The following ZBTB10 variants were observed in gnomAD, a reference collection of about 807,000 sequenced individuals.
ZBTB10 encodes the protein zinc finger and BTB domain-containing protein 10.
A neutral mutation model predicts 76.4 loss-of-function variants in ZBTB10; 32 were observed. The ratio of observed to expected loss-of-function variants is 0.42; its 90% CI spans 0.32 to 0.56. The LOEUF is 0.56. Ranked by LOEUF, ZBTB10 falls within the 20% of genes least tolerant of loss-of-function variation. The pLI is 0.14. For missense variants in ZBTB10, 1,057 were observed against 1,098.5 expected, an observed-to-expected ratio of 0.96 and a Z score of 0.53; for synonymous variants, 523 against 432.9, an observed-to-expected ratio of 1.21 and a Z score of -2.58.
In ZBTB10 at chr8:80,518,540, T is replaced by G; in HGVS notation, c.2098T>G (p.Leu700Val). 2.6e-6 allele frequency: 4 copies of G among 1,553,126 alleles called. No individual in the cohort carries two copies. Among genetic ancestry groups the G allele is most frequent in the Non-Finnish European group, 2.6e-6 (3 of 1,147,924 alleles). ...GASNDFKYGL[L>V]PESWPKQETW... ...TTCAAATGATTTCAAGTATGGATTATTGCCAGAATCTTGGCCAAAACAAGA... is the reference window on the plus strand; with the variant it reads ...TTCAAATGATTTCAAGTATGGATTAGTGCCAGAATCTTGGCCAAAACAAGA... Residue 700 changes from leucine (L) to valine (V), a missense_variant, in exon 4 of 6, where the codon TTG (leucine) becomes GTG (valine). Physicochemically the swap from Leu to Val is conservative, Grantham distance 32. Transcript: ENST00000455036.
intron 2 of ZBTB10, among the ~76,000 whole-genome samples, chr8:80,506,560 C>G (rs1013411827): frequency 8.6e-6 from 1 of 116,534 alleles, no homozygotes; most frequent in Non-Finnish European, 1.7e-5. Flanking sequence ...CTCAGGTGAT[C>G]CACCCCCCCC....
chr8:80,508,278 T>C (rs1816109136), intron 2 of ZBTB10, among the ~76,000 whole-genome samples: 1 of 152,238 alleles, frequency 6.6e-6, no homozygotes, highest in Non-Finnish European at 1.5e-5. Context: ...TAGAACTGAA[T>C]TTTTGGTTTC....
intron 2 of ZBTB10, among the ~76,000 whole-genome samples, chr8:80,513,484 T>G (rs1349657721): frequency 6.6e-6 from 1 of 152,222 alleles, no homozygotes; most frequent in Non-Finnish European, 1.5e-5. Flanking sequence ...TGAACCAATG[T>G]GGATGCACCA....
In ZBTB10 at chr8:80,486,724, G is replaced by A; in HGVS notation, c.-87G>A. The A allele has an allele frequency of 4.0e-6, 4 of 1,004,878 alleles. No individual in the cohort carries two copies. Among genetic ancestry groups the A allele is most frequent in the Non-Finnish European group, 4.7e-6 (4 of 843,554 alleles). The allele number at this position is 1,004,878 out of a possible 1,614,324, so 62.2% of individuals were successfully genotyped here. On this transcript the variant is annotated 5_prime_UTR_variant, in exon 1 of 6. Transcript: ENST00000455036. ...GAACGCCGGGGGCGGGGGCGAGACAGAGGGGGAGCCGCGGGGAGCGCGCGG... is the reference window on the plus strand; with the variant it reads ...GAACGCCGGGGGCGGGGGCGAGACAAAGGGGGAGCCGCGGGGAGCGCGCGG...
At position 80,513,908 on chromosome 8, in the gene ZBTB10, A is replaced by G. The variant is rs756938863; in HGVS notation, c.1862-2A>G. ...ATAAATTTTTCTATGTTTCCTTTTC[A>G]GATTTAGATGGTGCTCTACTCTCGG... On this transcript the variant is annotated splice_acceptor_variant, in intron 2 of 5. Transcript: ENST00000455036. LOFTEE classifies it high-confidence loss of function. The G allele has an allele frequency of 2.5e-6, 4 of 1,612,810 alleles. No individual in the cohort carries two copies. The highest frequency in any genetic ancestry group is 3.4e-6 in the Non-Finnish European group (4 of 1,179,248).
chr8:80,518,629 A>G, intron 4 of ZBTB10, 50 bp downstream of exon 4: 1 of 1,512,948 alleles, frequency 6.6e-7, no homozygotes, highest in Non-Finnish European at 8.8e-7. Flanking sequence ...ATAATTGTTA[A>G]CAATTAAAAG....
In ZBTB10 at chr8:80,510,641, T is replaced by TGTGG. The variant is rs144657712; in HGVS notation, c.1862-3266_1862-3265insGGTG. ...AATAGCCGTCATTTTGTGAAACCAG[T>TGTGG]GTGTGTGTGTGTGTGTGTGTGTGTG... is the stretch of plus-strand genomic sequence containing the variant. On this transcript the variant is annotated intron_variant, in intron 2 of 5. Coordinates refer to ENST00000455036, the MANE Select transcript of ZBTB10 (RefSeq NM_001105539.3). Among the ~76,000 whole-genome samples the TGTGG allele has an allele frequency of 8.9e-3, 534 of 60,086 alleles. 6 individuals are homozygous for TGTGG. Among genetic ancestry groups the TGTGG allele is most frequent in the African/African-American group, 0.023 (480 of 20,434 alleles). The allele number at this position is 60,086 out of a possible 152,430, so 39.4% of individuals were successfully genotyped here. A position where few individuals can be genotyped will look rare whatever the true frequency, so the allele number is the denominator to read the frequency against.
chr8:80,493,985 CT>C (rs1200694080), intron 1 of ZBTB10, among the ~76,000 whole-genome samples: 3 of 152,186 alleles, frequency 2.0e-5, no homozygotes, highest in Non-Finnish European at 4.4e-5. Flanking sequence ...ACCTTCTTGT[CT>C]TTTTCTCTAC....
At chr8:80,498,484 T>C (rs1449418040) in intron 1 of ZBTB10, among the ~76,000 whole-genome samples, 1 of 152,242 alleles carries the variant, frequency 6.6e-6, no homozygotes, top group Non-Finnish European at 1.5e-5. Flanking sequence ...AGATGATTAC[T>C]TCATTTGTTT....
chr8:80,507,326 A>G (rs1427556660), intron 2 of ZBTB10, among the ~76,000 whole-genome samples: 1 of 139,550 alleles, frequency 7.2e-6, no homozygotes, highest in Non-Finnish European at 1.5e-5. Flanking sequence ...AAAGAAAAAA[A>G]AAACAGCTGG....
intron 1 of ZBTB10, among the ~76,000 whole-genome samples, chr8:80,497,282 G>A (rs554824109): frequency 1.6e-4 from 24 of 151,904 alleles, no homozygotes; most frequent in Admixed American, 1.6e-3. Flanking sequence ...TAATACAAGA[G>A]CTTAGGTTAA....
chr8:80,490,633 C>T (rs1373911528), intron 1 of ZBTB10, among the ~76,000 whole-genome samples: 1 of 152,212 alleles, frequency 6.6e-6, no homozygotes, highest in Non-Finnish European at 1.5e-5. Flanking sequence ...GCCTATTTCT[C>T]ATACATGCAG....
At position 80,487,340 on chromosome 8, in the gene ZBTB10, G is replaced by A; in HGVS notation, c.530G>A (p.Gly177Asp). Reference sequence around the variant, plus strand: ...GAGGGGAAGGAGTTGATGCAGGACGGCGCGTCCCTGAGCGACAGCACCGAG... The same window carrying A: ...GAGGGGAAGGAGTTGATGCAGGACGACGCGTCCCTGAGCGACAGCACCGAG... ...ALEGKELMQD[G>D]ASLSDSTEDE... Residue 177 changes from glycine (G) to aspartate (D), a missense_variant, in exon 1 of 6, where the codon GGC (glycine) becomes GAC (aspartate). Gly to Asp is a moderately conservative substitution (Grantham distance 94). This residue lies in a region of ZBTB10 where 556 missense variants were observed against 451.7 expected (regional missense o/e 1.23). Coordinates refer to ENST00000455036, the MANE Select transcript of ZBTB10 (RefSeq NM_001105539.3). The A allele has an allele frequency of 1.3e-6, 2 of 1,532,744 alleles. No individual in the cohort carries two copies. The highest frequency in any genetic ancestry group is 1.8e-6 in the Non-Finnish European group (2 of 1,137,106). 94.9% of individuals were successfully genotyped at this position (1,532,744 alleles called of 1,614,324 possible). A position where few individuals can be genotyped will look rare whatever the true frequency, so the allele number is the denominator to read the frequency against.
rs1473031734 is a variant in ZBTB10, at chr8:80,486,979, C to T, written c.169C>T (p.Pro57Ser). The T allele has an allele frequency of 2.6e-6, 4 of 1,512,992 alleles. No individual in the cohort carries two copies. The highest frequency in any genetic ancestry group is 2.4e-5 in the South Asian group (2 of 81,712). The allele number at this position is 1,512,992 out of a possible 1,614,324, so 93.7% of individuals were successfully genotyped here. A position where few individuals can be genotyped will look rare whatever the true frequency, so the allele number is the denominator to read the frequency against. ...GCCGCCAGCGCCGCCCGCGCTTCAG[C>T]CGCCTAATGGGCGGGGGGCCGACGA... ...PPPPAPPALQ[P>S]PNGRGADEEV... The change falls in exon 1 of 6, where the codon CCG becomes TCG. Residue 57 changes from proline (P) to serine (S), a missense_variant. By Grantham distance (74) the Pro-to-Ser change is moderately conservative. This residue lies in a region of ZBTB10 where 556 missense variants were observed against 451.7 expected (regional missense o/e 1.23). Coordinates refer to ENST00000455036, the MANE Select transcript of ZBTB10 (RefSeq NM_001105539.3).
In ZBTB10 at chr8:80,493,792, T is replaced by G. The variant is rs772944492; in HGVS notation, c.973-5702T>G. Among the ~76,000 whole-genome samples, 30 of 152,302 alleles carry G rather than the reference T, an allele frequency of 2.0e-4. 1 individual carries two copies. In the Middle Eastern group the frequency reaches 0.02, roughly 104 times the overall value. Reference sequence around the variant, plus strand: ...TTGTGGTGAGCCGAGATCGCGCCCTTGTGCTTGGACAACAAGAGCGAAACT... The same window carrying G: ...TTGTGGTGAGCCGAGATCGCGCCCTGGTGCTTGGACAACAAGAGCGAAACT... On this transcript the variant is annotated intron_variant, in intron 1 of 5. Coordinates refer to ENST00000455036, the MANE Select transcript of ZBTB10 (RefSeq NM_001105539.3).
intron 1 of ZBTB10, among the ~76,000 whole-genome samples, chr8:80,498,943 C>T (rs1215032792): frequency 6.6e-6 from 1 of 152,170 alleles, no homozygotes; most frequent in African/African-American, 2.4e-5. Flanking sequence ...AAATTTTCCC[C>T]TTAGGGTCTT....
intron 1 of ZBTB10, 75 bp from the exon 2 acceptor site, chr8:80,499,416 GATA>G: frequency 7.2e-7 from 1 of 1,395,824 alleles, no homozygotes; most frequent in Non-Finnish European, 9.6e-7. Flanking sequence ...TTAAAAACTT[GATA>G]ATTGTTTTCC....
intron 1 of ZBTB10, among the ~76,000 whole-genome samples, chr8:80,495,606 G>T (rs1444943635): frequency 1.3e-5 from 2 of 152,004 alleles, no homozygotes; most frequent in Non-Finnish European, 2.9e-5. Flanking sequence ...CCCACTAACA[G>T]TAACTTCAAA....
chr8:80,490,197 G>C (rs932846225), intron 1 of ZBTB10, among the ~76,000 whole-genome samples: 1 of 152,138 alleles, frequency 6.6e-6, no homozygotes, highest in African/African-American at 2.4e-5. Flanking sequence ...GTTTCGTTAT[G>C]TATGCAAAGT....
Sources: gnomAD v4.1 joint callset for allele counts (sites outside exome capture counted in the v4.1 genomes callset) on GRCh38, gnomAD v4.1.1 for gene constraint, gnomAD v4.1.1 regional missense constraint, MANE v1.5 for transcripts, NCBI Gene and HGNC (gene_info 2026-07-23, HGNC 2026-07-21) for gene names.